PIGK: variants seen among roughly 807,000 people sequenced by gnomAD.
PIGK encodes the protein phosphatidylinositol glycan anchor biosynthesis class K, also known as GPI-anchor transamidase.
A neutral mutation model predicts 50.6 loss-of-function variants in PIGK; 42 were observed. The observed-to-expected ratio is 0.83, with a 90% CI of 0.65 to 1.07. The LOEUF is 1.07. Among genes scored for constraint, PIGK ranks in the 50% least tolerant of loss-of-function variants. The pLI is 0.00. For missense variants in PIGK, 448 were observed against 488.7 expected, an observed-to-expected ratio of 0.92 and a Z score of 0.78; for synonymous variants, 151 against 156.0, an observed-to-expected ratio of 0.97 and a Z score of 0.24.
Position 77,204,960 on chromosome 1 carries a change from A to G in PIGK, c.239+1680T>C, listed in dbSNP as rs147285490. Among the ~76,000 whole-genome samples the G allele has an allele frequency of 7.2e-5, 11 of 152,316 alleles. No individual in the cohort carries two copies. In the East Asian group the frequency reaches 2.1e-3, roughly 29 times the overall value. Reference sequence around the variant, plus strand: ...TAAATCCTTAATTACCCCACTACAAAGACTTCATAAACACAGTTATAGATA... The same window carrying G: ...TAAATCCTTAATTACCCCACTACAAGGACTTCATAAACACAGTTATAGATA... On this transcript the variant is annotated intron_variant, in intron 3 of 10. Coordinates refer to ENST00000370812, the MANE Select transcript of PIGK (RefSeq NM_005482.3).
intron 3 of PIGK, among the ~76,000 whole-genome samples, chr1:77,174,102 T>C (rs1218601950): frequency 6.6e-6 from 1 of 152,250 alleles, no homozygotes; most frequent in Non-Finnish European, 1.5e-5. Flanking sequence ...GTTCAATTCC[T>C]GGCTTAGGGA....
intron 9 of PIGK, among the ~76,000 whole-genome samples, chr1:77,145,805 A>C (rs917670817): frequency 6.6e-6 from 1 of 152,120 alleles, no homozygotes; most frequent in Non-Finnish European, 1.5e-5. Flanking sequence ...GTTTCTATAA[A>C]ACTACAATAA....
chr1:77,107,933 A>G (rs1183871527), intron 10 of PIGK, among the ~76,000 whole-genome samples: 2 of 151,252 alleles, frequency 1.3e-5, no homozygotes, highest in Admixed American at 6.6e-5. Flanking sequence ...TTTGTTTTCC[A>G]TTTGCTTGGT....
At chr1:77,100,755 T>C (rs1380944726) in intron 10 of PIGK, among the ~76,000 whole-genome samples, 1 of 152,174 alleles carries the variant, frequency 6.6e-6, no homozygotes, top group Non-Finnish European at 1.5e-5. Context: ...ATATTCGAAG[T>C]AGCCAAGATG....
At chr1:77,156,525 C>A (rs1655011853) in intron 8 of PIGK, among the ~76,000 whole-genome samples, 1 of 152,122 alleles carries the variant, frequency 6.6e-6, no homozygotes, top group African/African-American at 2.4e-5. Context: ...TCTATTATTC[C>A]AACTTCTGTG....
At chr1:77,145,323 TA>T (rs1654744647) in intron 9 of PIGK, among the ~76,000 whole-genome samples, 2 of 151,626 alleles carry the variant, frequency 1.3e-5, no homozygotes, top group South Asian at 4.1e-4. Context: ...TACCGAAAAA[TA>T]AAAAAATAAA....
At chr1:77,210,068 T>G (rs1650953212) in intron 2 of PIGK, among the ~76,000 whole-genome samples, 1 of 151,980 alleles carries the variant, frequency 6.6e-6, no homozygotes. Flanking sequence ...AAAAAACAAC[T>G]GAAAAAATTT....
chr1:77,195,234 G>A, intron 3 of PIGK: 1 of 1,235,608 alleles, frequency 8.1e-7, no homozygotes, highest in Non-Finnish European at 1.2e-6. Context: ...TACTGGCAGG[G>A]CGACCTGCAG....
At chr1:77,209,929 G>C (rs1286602728) in intron 2 of PIGK, among the ~76,000 whole-genome samples, 1 of 152,006 alleles carries the variant, frequency 6.6e-6, no homozygotes, top group Non-Finnish European at 1.5e-5. Context: ...TGGGATGTGG[G>C]ACTTGAAGCC....
intron 9 of PIGK, among the ~76,000 whole-genome samples, chr1:77,128,467 G>C (rs1224060144): frequency 6.6e-6 from 1 of 152,088 alleles, no homozygotes; most frequent in Non-Finnish European, 1.5e-5. Context: ...TAAAATCCCA[G>C]AAAAATAAAC....
At chr1:77,159,144 C>G (rs1655078674) in intron 8 of PIGK, among the ~76,000 whole-genome samples, 1 of 152,152 alleles carries the variant, frequency 6.6e-6, no homozygotes, top group African/African-American at 2.4e-5. Flanking sequence ...GCCACTCCAG[C>G]TGTGGCTAAA....
At chr1:77,205,435 A>T (rs945971746) in intron 3 of PIGK, among the ~76,000 whole-genome samples, 1 of 151,540 alleles carries the variant, frequency 6.6e-6, no homozygotes, top group Non-Finnish European at 1.5e-5. Flanking sequence ...TTTGTCAGTT[A>T]CTCAGACTGA....
intron 10 of PIGK, among the ~76,000 whole-genome samples, chr1:77,102,616 G>A (rs2100512413): frequency 6.6e-6 from 1 of 152,246 alleles, no homozygotes; most frequent in South Asian, 2.1e-4. Context: ...CTGACATCTT[G>A]ATTTTAGCCC....
In PIGK at chr1:77,219,399, C is replaced by T. The variant is rs747822297; in HGVS notation, c.4G>A (p.Ala2Thr). The change falls in exon 1 of 11, where the codon GCC becomes ACC. Residue 2 changes from alanine to threonine, a missense_variant. Physicochemically the swap from Ala to Thr is moderately conservative, Grantham distance 58. Coordinates refer to ENST00000370812, the MANE Select transcript of PIGK (RefSeq NM_005482.3). M[A>T]VTDSLSRAAT... ...GCCCGGCTGAGGCTGTCGGTGACGGCCATGTTTACCGGCTTCAGACTTCCC... is the reference window on the plus strand; with the variant it reads ...GCCCGGCTGAGGCTGTCGGTGACGGTCATGTTTACCGGCTTCAGACTTCCC... 7.4e-6 allele frequency: 12 copies of T among 1,612,958 alleles called. No individual in the cohort carries two copies. In the Admixed American group the frequency reaches 2.0e-4, roughly 27 times the overall value.
intron 10 of PIGK, among the ~76,000 whole-genome samples, chr1:77,115,581 C>T (rs1472967867): frequency 6.6e-6 from 1 of 152,046 alleles, no homozygotes; most frequent in Non-Finnish European, 1.5e-5. Context: ...ACCTAGAATA[C>T]TCCCAAAGAG....
At chr1:77,169,959 C>G (rs997205372) in intron 3 of PIGK, among the ~76,000 whole-genome samples, 1 of 152,106 alleles carries the variant, frequency 6.6e-6, no homozygotes, top group African/African-American at 2.4e-5. Context: ...CCAAGCCAAT[C>G]ACTCCTCACA....
rs545094599 is a variant in PIGK, at chr1:77,114,383, T to C, written c.1071+7892A>G. The stretch of plus-strand genomic sequence containing the variant: ...ATCATTATCAACTGTAAAATATGTT[T>C]TGCACCTATTTACAGTTGTACAACA... On this transcript the variant is annotated intron_variant, in intron 10 of 10. Transcript: ENST00000370812. 5.9e-5 allele frequency among the ~76,000 whole-genome samples: 9 copies of C among 152,298 alleles called. No individual in the cohort carries two copies. In the South Asian group the frequency reaches 1.7e-3, roughly 28 times the overall value.
intron 9 of PIGK, among the ~76,000 whole-genome samples, chr1:77,150,127 C>T (rs1010943809): frequency 1.3e-5 from 2 of 152,068 alleles, no homozygotes; most frequent in Non-Finnish European, 2.9e-5. Context: ...TAAACGCCTA[C>T]ATCAAAAAGA....
At chr1:77,202,305 T>C (rs1335956420) in intron 3 of PIGK, among the ~76,000 whole-genome samples, 4 of 152,156 alleles carry the variant, frequency 2.6e-5, no homozygotes, top group South Asian at 4.1e-4. Flanking sequence ...CTTGAAGATA[T>C]AAGATCAACA....
Sources: gnomAD v4.1 joint callset for allele counts (sites outside exome capture counted in the v4.1 genomes callset) on GRCh38, gnomAD v4.1.1 for gene constraint, MANE v1.5 for transcripts, NCBI Gene and HGNC (gene_info 2026-07-23, HGNC 2026-07-21) for gene names.